ITGA9: variants seen among roughly 807,000 people sequenced by gnomAD.
ITGA9 encodes integrin alpha-9.
In ITGA9, 56 loss-of-function variants were observed where a neutral mutation model predicts 127.8. That is an observed-to-expected ratio of 0.44 (90% confidence interval 0.35 to 0.55). The LOEUF (loss-of-function observed/expected upper bound fraction) is 0.55. Ranked by LOEUF, ITGA9 falls within the 20% of genes least tolerant of loss-of-function variation. The pLI is 0.00. For synonymous variants in ITGA9, 508 were observed against 514.5 expected (o/e 0.99, Z 0.17); for missense variants, 1,196 against 1,347.1 (o/e 0.89, Z 1.76).
At chr3:37,676,587 A>G (rs566879950) in intron 17 of ITGA9, among the ~76,000 whole-genome samples, 1 of 152,228 alleles carries the variant, frequency 6.6e-6, no homozygotes, top group Non-Finnish European at 1.5e-5. Flanking sequence ...TGCAGGTTAC[A>G]CAGTGATAAG....
intron 17 of ITGA9, among the ~76,000 whole-genome samples, chr3:37,679,143 A>G (rs4678582): frequency 6.6e-6 from 1 of 151,914 alleles, no homozygotes; most frequent in African/African-American, 2.4e-5. Context: ...TGATTTTCAT[A>G]TAAAAGCACA....
chr3:37,803,600 C>T (rs942182112), intron 26 of ITGA9, among the ~76,000 whole-genome samples: 1 of 152,166 alleles, frequency 6.6e-6, no homozygotes, highest in Non-Finnish European at 1.5e-5. Flanking sequence ...GCCTAGCCAA[C>T]ATGGTGAAAC....
intron 18 of ITGA9, among the ~76,000 whole-genome samples, chr3:37,727,132 G>A (rs1454791089): frequency 1.3e-5 from 2 of 152,296 alleles, no homozygotes; most frequent in African/African-American, 2.4e-5. Context: ...TGTGGCTGAC[G>A]AGGTGCTACA....
At chr3:37,516,262 A>G (rs1410854076) in intron 9 of ITGA9, among the ~76,000 whole-genome samples, 2 of 152,342 alleles carry the variant, frequency 1.3e-5, no homozygotes, top group East Asian at 3.9e-4. Flanking sequence ...TTTCTGTTGA[A>G]CATCAGCCAT....
intron 15 of ITGA9, among the ~76,000 whole-genome samples, chr3:37,600,604 A>G (rs1010308094): frequency 2.0e-5 from 3 of 152,162 alleles, no homozygotes; most frequent in Admixed American, 6.5e-5. Flanking sequence ...GCATTGAGAT[A>G]TGACACTGTC....
intron 22 of ITGA9, chr3:37,748,345 CAAGTT>C (rs1386840264): frequency 3.0e-5 from 18 of 599,576 alleles, no homozygotes; most frequent in Admixed American, 2.9e-4. Context: ...TATAAACACA[CAAGTT>C]AAGGGCAAGA....
chr3:37,766,323 C>T lies in ITGA9; in HGVS notation c.2542-11069C>T, dbSNP rs1696779834. ...GCTGTCAGGGAGCCAACCTCACTTA[C>T]TTCTCTTTAATCTAAACTTATGACC... On this transcript the variant is annotated intron_variant, in intron 23 of 27. Coordinates refer to ENST00000264741, the MANE Select transcript of ITGA9 (RefSeq NM_002207.3). Among the ~76,000 whole-genome samples, 3 of 152,242 alleles carry T rather than the reference C, an allele frequency of 2.0e-5. No individual in the cohort carries two copies. The South Asian group carries it at 6.2e-4, about 31-fold the overall frequency.
intron 23 of ITGA9, among the ~76,000 whole-genome samples, chr3:37,765,842 C>T (rs35686308): frequency 0.013 from 1,960 of 152,324 alleles, 23 homozygotes; most frequent in Middle Eastern, 0.048. Context: ...TGACTGAAGG[C>T]GCCCGGCCTT....
chr3:37,569,199 A>G (rs1376210385), intron 15 of ITGA9, among the ~76,000 whole-genome samples: 1 of 152,260 alleles, frequency 6.6e-6, no homozygotes, highest in African/African-American at 2.4e-5. Context: ...GGCAGCAGGC[A>G]AGAGAGAGAA....
In ITGA9 at chr3:37,475,774, CA is replaced by C. The variant is rs377179331; in HGVS notation, c.420+2315del. Among the ~76,000 whole-genome samples, 6 of 152,296 alleles carry C rather than the reference CA, an allele frequency of 3.9e-5. No homozygotes were observed. In the South Asian group the frequency reaches 1.2e-3, roughly 32 times the overall value. ...TACCACCTTAACCATTTTGAGTGTA[CA>C]GTAGTGGTAAATGTATGGCACATTG... On this transcript the variant is annotated intron_variant, in intron 3 of 27. Coordinates refer to ENST00000264741, the MANE Select transcript of ITGA9 (RefSeq NM_002207.3).
rs146142850 is a variant in ITGA9, at chr3:37,711,182, C to G, written c.2068-21530C>G. ...CCAAGGACTGGAGTGGTGGAACCCT[C>G]GTCCTTCATTAACACAAGCAGGGCA... On this transcript the variant is annotated intron_variant, in intron 18 of 27. Transcript: ENST00000264741. 2.5e-3 allele frequency among the ~76,000 whole-genome samples: 376 copies of G among 152,234 alleles called. 1 individual carries two copies. The highest frequency in any genetic ancestry group is 8.5e-3 in the African/African-American group (355 of 41,558).
chr3:37,791,238 G>GTT (rs1697105976), intron 26 of ITGA9, among the ~76,000 whole-genome samples: 1 of 152,190 alleles, frequency 6.6e-6, no homozygotes. Flanking sequence ...CTCAGTCTGT[G>GTT]TGAGAAGCGT....
rs563197097 is a variant in ITGA9, at chr3:37,808,138, T to A, written c.3009+4196T>A. On this transcript the variant is annotated intron_variant, in intron 27 of 27. Transcript: ENST00000264741. ...TCCCACCGCAGACCAGCTTTCTCTA[T>A]GTTTCCCTACACATCGTAGGGAGAT... 34 of 152,264 alleles carry A rather than the reference T, an allele frequency of 2.2e-4. 1 individual carries two copies. The highest frequency in any genetic ancestry group is 7.5e-4 in the African/African-American group (31 of 41,536). 9.4% of individuals were successfully genotyped at this position (152,264 alleles called of 1,614,324 possible).
intron 26 of ITGA9, among the ~76,000 whole-genome samples, chr3:37,801,504 G>T (rs959623774): frequency 1.3e-5 from 2 of 152,016 alleles, no homozygotes; most frequent in African/African-American, 4.8e-5. Context: ...GGGAGTGGTG[G>T]CTCATGCCTA....
intron 15 of ITGA9, among the ~76,000 whole-genome samples, chr3:37,572,801 C>A (rs1228280301): frequency 1.3e-5 from 2 of 152,118 alleles, no homozygotes; most frequent in African/African-American, 4.8e-5. Flanking sequence ...TGGCACAGTT[C>A]TAAAATTCTT....
intron 15 of ITGA9, among the ~76,000 whole-genome samples, chr3:37,608,409 G>A (rs1245127211): frequency 6.6e-6 from 1 of 151,232 alleles, no homozygotes; most frequent in African/African-American, 2.4e-5. Context: ...CATAGATTTA[G>A]TGGAAAATGA....
At chr3:37,525,113 A>G in intron 12 of ITGA9, among the ~76,000 whole-genome samples, 1 of 152,066 alleles carries the variant, frequency 6.6e-6, no homozygotes, top group East Asian at 1.9e-4. Context: ...AGTAGTGGGA[A>G]CCCCAGGGCC....
At chr3:37,786,880 T>A (rs535928653) in intron 26 of ITGA9, among the ~76,000 whole-genome samples, 2 of 152,336 alleles carry the variant, frequency 1.3e-5, no homozygotes, top group Middle Eastern at 3.4e-3. Context: ...AGGGTCTTGC[T>A]TTGTCACCCA....
At chr3:37,674,724 T>C (rs1173544469) in intron 17 of ITGA9, among the ~76,000 whole-genome samples, 2 of 152,206 alleles carry the variant, frequency 1.3e-5, no homozygotes, top group Non-Finnish European at 2.9e-5. Flanking sequence ...AACCCACTGA[T>C]GGTCAGTCTG....
Sources: allele counts gnomAD v4.1 joint callset (sites outside exome capture counted in the v4.1 genomes callset), GRCh38; gene constraint gnomAD v4.1.1; transcripts MANE v1.5; gene names NCBI Gene and HGNC (gene_info 2026-07-23, HGNC 2026-07-21).